ZFP14: variants seen among roughly 807,000 people sequenced by gnomAD.
The protein encoded by ZFP14 is zinc finger protein 14 homolog.
In ZFP14, 22 loss-of-function variants were observed where a neutral mutation model predicts 54.5. The observed-to-expected ratio is 0.40, with a 90% confidence interval of 0.29 to 0.58. The LOEUF is 0.58. Ranked by LOEUF, ZFP14 falls within the 20% of genes least tolerant of loss-of-function variation. The probability of loss-of-function intolerance (pLI) is 0.39; values close to 1 mark genes in which losing one functional copy is unlikely to be tolerated. For missense variants in ZFP14, 470 were observed against 637.8 expected, an observed-to-expected ratio of 0.74 and a Z score of 2.83; for synonymous variants, 159 against 204.0, an observed-to-expected ratio of 0.78 and a Z score of 1.88.
In ZFP14 at chr19:36,334,460, C is replaced by T. The variant is rs1185290078; in HGVS notation, c.*5764G>A. 1 of 152,160 alleles carries T rather than the reference C, an allele frequency of 6.6e-6. No homozygotes were observed. The highest frequency in any genetic ancestry group is 1.5e-5 in the Non-Finnish European group (1 of 68,024). 9.4% of individuals were successfully genotyped at this position (152,160 alleles called of 1,614,324 possible). On this transcript the variant is annotated 3_prime_UTR_variant, in exon 5 of 5. Transcript: ENST00000270001. Reference sequence around the variant, plus strand: ...ATTAAAAAATACACAAAATGATATTCAATATAGCATCTTTATTACCACAGA... The same window carrying T: ...ATTAAAAAATACACAAAATGATATTTAATATAGCATCTTTATTACCACAGA...
chr19:36,362,242 A>T lies in ZFP14; in HGVS notation c.10-4T>A. 6.3e-7 allele frequency: 1 copy of T among 1,582,398 alleles called. No individual in the cohort carries two copies. The highest frequency in any genetic ancestry group is 8.5e-7 in the Non-Finnish European group (1 of 1,171,398). On this transcript the variant is annotated splice_polypyrimidine_tract_variant and splice_region_variant and intron_variant, in intron 2 of 4. Transcript: ENST00000270001. ...CATCCCTGAATGTCACTGAACCCTG[A>T]AAAAACAAACTCAGGTATTACTTGT... is the stretch of plus-strand genomic sequence containing the variant.
Position 36,362,172 on chromosome 19 carries a change from C to T in ZFP14, c.76G>A (p.Ala26Thr), listed in dbSNP as rs757228538. Residue 26 changes from alanine (A) to threonine (T), a missense_variant, in exon 3 of 5, where the codon GCT (alanine) becomes ACT (threonine). Coordinates refer to ENST00000270001, the MANE Select transcript of ZFP14 (RefSeq NM_020917.3). ...SQEEWEFLDP[A>T]QRDLYRDVMW... The stretch of plus-strand genomic sequence containing the variant: ...ACATCCCTATATAAGTCCCTCTGAG[C>T]AGGATCCAGGAATTCCCATTCTTCC... 6.2e-7 allele frequency: 1 copy of T among 1,612,610 alleles called. No homozygotes were observed. The highest frequency in any genetic ancestry group is 8.5e-7 in the Non-Finnish European group (1 of 1,179,310).
chr19:36,359,891 G>C (rs1281633608), intron 4 of ZFP14, among the ~76,000 whole-genome samples: 2 of 152,152 alleles, frequency 1.3e-5, no homozygotes, highest in African/African-American at 4.8e-5. Flanking sequence ...CTGACCTCAA[G>C]TGACCAGCCT....
At chr19:36,359,700 G>C (rs1161479575) in intron 4 of ZFP14, among the ~76,000 whole-genome samples, 1 of 151,848 alleles carries the variant, frequency 6.6e-6, no homozygotes, top group Non-Finnish European at 1.5e-5. Context: ...TGTCACTCAG[G>C]CTGGAGTGCA....
chr19:36,355,012 G>C lies in ZFP14; in HGVS notation c.235+5423C>G, dbSNP rs950131733. 1.4e-5 allele frequency among the ~76,000 whole-genome samples: 2 copies of C among 142,690 alleles called. 1 individual carries two copies. The highest frequency in any genetic ancestry group is 5.1e-5 in the African/African-American group (2 of 38,874). The allele number at this position is 142,690 out of a possible 152,430, so 93.6% of individuals were successfully genotyped here. ...AATACTTGTCCCTACCTAATATTAT[G>C]TATTGATGTACTTGTTTACTTCATG... On this transcript the variant is annotated intron_variant, in intron 4 of 4. Transcript: ENST00000270001.
intron 4 of ZFP14, among the ~76,000 whole-genome samples, chr19:36,359,143 T>C (rs1159261634): frequency 1.3e-5 from 2 of 152,208 alleles, no homozygotes; most frequent in Non-Finnish European, 2.9e-5. Flanking sequence ...TATTCTGTTA[T>C]AAACAACAGA....
chr19:36,345,040 T>A (rs1007006488), intron 4 of ZFP14, among the ~76,000 whole-genome samples: 6 of 152,172 alleles, frequency 3.9e-5, no homozygotes, highest in Admixed American at 2.0e-4. Flanking sequence ...AGGGGGCAGA[T>A]CACCTGAGGT....
intron 1 of ZFP14, among the ~76,000 whole-genome samples, chr19:36,377,750 G>A (rs929133008): frequency 6.6e-6 from 1 of 152,028 alleles, no homozygotes; most frequent in Admixed American, 6.6e-5. Flanking sequence ...GCAGGCTGAA[G>A]CAGGAGAATC....
chr19:36,362,518 A>G (rs2031726384), intron 2 of ZFP14, among the ~76,000 whole-genome samples: 1 of 152,190 alleles, frequency 6.6e-6, no homozygotes, highest in Non-Finnish European at 1.5e-5. Context: ...TCCTAATTAA[A>G]TGAAATAGTG....
chr19:36,359,353 G>A (rs1171477975), intron 4 of ZFP14, among the ~76,000 whole-genome samples: 4 of 152,102 alleles, frequency 2.6e-5, no homozygotes, highest in Non-Finnish European at 5.9e-5. Context: ...GTTATGGTAT[G>A]AGTTATGTTG....
intron 4 of ZFP14, among the ~76,000 whole-genome samples, chr19:36,358,089 T>A (rs991652502): frequency 3.1e-5 from 4 of 130,390 alleles, no homozygotes; most frequent in Non-Finnish European, 6.6e-5. Context: ...TCTATCTATC[T>A]ATCATCTATC....
At chr19:36,359,759 A>C in intron 4 of ZFP14, among the ~76,000 whole-genome samples, 1 of 151,090 alleles carries the variant, frequency 6.6e-6, no homozygotes, top group Non-Finnish European at 1.5e-5. Context: ...GGTTCAAGTG[A>C]CTCTTGTGTC....
intron 4 of ZFP14, among the ~76,000 whole-genome samples, chr19:36,357,223 A>T (rs1038343325): frequency 2.0e-5 from 3 of 152,132 alleles, no homozygotes; most frequent in African/African-American, 7.2e-5. Context: ...TTGTATTTTC[A>T]GTAGAGATCA....
At chr19:36,376,900 G>T (rs148829511) in intron 1 of ZFP14, among the ~76,000 whole-genome samples, 1 of 152,162 alleles carries the variant, frequency 6.6e-6, no homozygotes, top group Non-Finnish European at 1.5e-5. Context: ...GTGGCAGGTT[G>T]AGGACTAGAA....
intron 1 of ZFP14, among the ~76,000 whole-genome samples, chr19:36,376,577 C>T (rs1037044602): frequency 5.9e-5 from 9 of 152,022 alleles, no homozygotes; most frequent in Admixed American, 4.6e-4. Context: ...TTCTTCGCAG[C>T]CCTGCTCTTG....
At chr19:36,359,376 G>A in intron 4 of ZFP14, among the ~76,000 whole-genome samples, 1 of 152,080 alleles carries the variant, frequency 6.6e-6, no homozygotes, top group Admixed American at 6.6e-5. Context: ...CTCATAAAAT[G>A]CATTCCTTTT....
Position 36,373,555 on chromosome 19 carries a change from G to GT in ZFP14, c.-79-5585_-79-5584insA, listed in dbSNP as rs1467433367. On this transcript the variant is annotated intron_variant, in intron 1 of 4. Coordinates refer to ENST00000270001, the MANE Select transcript of ZFP14 (RefSeq NM_020917.3). Reference sequence around the variant, plus strand: ...TGTAAAGTGTTCTCACCACAAAAATGGTAACTATGTAAAAGGTAATTCATA... The same window carrying GT: ...TGTAAAGTGTTCTCACCACAAAAATGTGTAACTATGTAAAAGGTAATTCATA... Among the ~76,000 whole-genome samples, 7 of 151,892 alleles carry GT rather than the reference G, an allele frequency of 4.6e-5. No homozygotes were observed. In the South Asian group the frequency reaches 1.2e-3, roughly 27 times the overall value.
intron 2 of ZFP14, among the ~76,000 whole-genome samples, chr19:36,364,099 G>A (rs1233163995): frequency 6.6e-6 from 1 of 152,156 alleles, no homozygotes; most frequent in African/African-American, 2.4e-5. Flanking sequence ...CTCCGCAGGA[G>A]GAAATCTCCA....
chr19:36,349,242 AC>A (rs1409873627), intron 4 of ZFP14, among the ~76,000 whole-genome samples: 32,904 of 79,916 alleles, frequency 0.41, 10,302 homozygotes, highest in African/African-American at 0.46. Flanking sequence ...AAAAAAAAAA[AC>A]AAAAAAAAAA....
Sources: gnomAD v4.1 joint callset for allele counts (sites outside exome capture counted in the v4.1 genomes callset) on GRCh38, gnomAD v4.1.1 for gene constraint, MANE v1.5 for transcripts, NCBI Gene and HGNC (gene_info 2026-07-23, HGNC 2026-07-21) for gene names.